Variants in HSPA12A observed in about 807,000 individuals in gnomAD.
The protein encoded by HSPA12A is heat shock 70 kDa protein 12A.
A neutral mutation model predicts 69.2 loss-of-function variants in HSPA12A; 28 were observed. That is an observed-to-expected ratio of 0.40 (90% CI 0.30 to 0.55). The LOEUF (loss-of-function observed/expected upper bound fraction) is 0.55. Ranked by LOEUF, HSPA12A falls within the 20% of genes least tolerant of loss-of-function variation. The pLI, the probability that HSPA12A is intolerant of heterozygous loss-of-function variation, is 0.38. For synonymous variants in HSPA12A, 345 were observed against 370.5 expected (o/e 0.93, Z 0.79); for missense variants, 686 against 900.7 (o/e 0.76, Z 3.05).
At chr10:116,692,613 G>T in intron 5 of HSPA12A, 146 bp from the exon 6 acceptor site, 1 of 663,520 alleles carries the variant, frequency 1.5e-6, no homozygotes, top group Non-Finnish European at 2.7e-6. Flanking sequence ...GCATCAGAGA[G>T]CAAAGATCTG....
Position 116,787,165 on chromosome 10 carries a change from G to A in HSPA12A, c.91+47770C>T, listed in dbSNP as rs528252140. Among the ~76,000 whole-genome samples, 7 of 152,042 alleles carry A rather than the reference G, an allele frequency of 4.6e-5. No individual in the cohort carries two copies. In the South Asian group the frequency reaches 6.3e-4, roughly 14 times the overall value. ...TGTCAGATCAACCAAGGGCAAAAAC[G>A]TCCATGGGATCTCATGCATTCTGGG... On this transcript the variant is annotated intron_variant, in intron 2 of 12. Transcript: ENST00000635765.
chr10:116,820,023 C>T (rs1845381905), intron 2 of HSPA12A, among the ~76,000 whole-genome samples: 1 of 152,000 alleles, frequency 6.6e-6, no homozygotes, highest in African/African-American at 2.4e-5. Context: ...GGGGTTTCAC[C>T]ATGTTGCCCA....
At chr10:116,835,691 A>G (rs995593381) in intron 1 of HSPA12A, among the ~76,000 whole-genome samples, 5 of 152,214 alleles carry the variant, frequency 3.3e-5, no homozygotes, top group Non-Finnish European at 5.9e-5. Context: ...CCCCACGAAC[A>G]CTGGTGGGTA....
At chr10:116,698,185 C>G (rs1301104557) in intron 5 of HSPA12A, 1 of 154,390 alleles carries the variant, frequency 6.5e-6, no homozygotes, top group Admixed American at 6.4e-5. Flanking sequence ...TTCATGTATA[C>G]GTGTGTTTGT....
At chr10:116,798,843 A>G (rs75188021) in intron 2 of HSPA12A, among the ~76,000 whole-genome samples, 2,310 of 152,234 alleles carry the variant, frequency 0.015, 62 homozygotes, top group African/African-American at 0.053. Flanking sequence ...TTCTCCAATT[A>G]TTGTCTTGGA....
chr10:116,813,975 A>G (rs1159572117), intron 2 of HSPA12A, among the ~76,000 whole-genome samples: 3 of 152,236 alleles, frequency 2.0e-5, no homozygotes, highest in Admixed American at 2.0e-4. Context: ...AAAGAAAAAA[A>G]GACAATAGGA....
chr10:116,755,611 A>C lies in HSPA12A; in HGVS notation c.92-48326T>G, dbSNP rs1199069447. ...TGGGTGAAAGAGTGAGACTGTCTCA[A>C]AAAAAAAAAAAAAAAAAAAAAGGTG... On this transcript the variant is annotated intron_variant, in intron 2 of 12. Transcript: ENST00000635765. Among the ~76,000 whole-genome samples the C allele has an allele frequency of 9.8e-5, 14 of 143,042 alleles. No individual in the cohort carries two copies. The East Asian group carries it at 2.9e-3, about 29-fold the overall frequency. 93.8% of individuals were successfully genotyped at this position (143,042 alleles called of 152,430 possible).
intron 2 of HSPA12A, among the ~76,000 whole-genome samples, chr10:116,800,782 C>A (rs775040162): frequency 1.3e-5 from 2 of 152,196 alleles, no homozygotes; most frequent in African/African-American, 2.4e-5. Context: ...AACCCCTTCT[C>A]CATTCAAATG....
intron 2 of HSPA12A, among the ~76,000 whole-genome samples, chr10:116,798,135 C>G (rs186478217): frequency 1.4e-5 from 2 of 141,006 alleles, no homozygotes; most frequent in East Asian, 2.1e-4. Flanking sequence ...GATCAGGCCC[C>G]GAACTGGACT....
At chr10:116,787,504 C>T (rs1844604503) in intron 2 of HSPA12A, among the ~76,000 whole-genome samples, 1 of 149,562 alleles carries the variant, frequency 6.7e-6, no homozygotes, top group Non-Finnish European at 1.5e-5. Flanking sequence ...AGGCTTTCAG[C>T]GTCATTGCTA....
At chr10:116,763,394 T>G (rs1482484941) in intron 2 of HSPA12A, among the ~76,000 whole-genome samples, 1 of 152,208 alleles carries the variant, frequency 6.6e-6, no homozygotes, top group Non-Finnish European at 1.5e-5. Context: ...ACAAGAAATG[T>G]AAAGAAAAAT....
intron 1 of HSPA12A, among the ~76,000 whole-genome samples, chr10:116,841,926 T>G (rs570418447): frequency 2.0e-5 from 3 of 152,220 alleles, no homozygotes; most frequent in African/African-American, 7.2e-5. Context: ...ACTTTGCCAA[T>G]AATTAACGTA....
chr10:116,707,612 G>A (rs1348313326), intron 1 of HSPA12A, among the ~76,000 whole-genome samples: 1 of 152,224 alleles, frequency 6.6e-6, no homozygotes, highest in African/African-American at 2.4e-5. Context: ...TGTCTGTGGA[G>A]CCAGAGGCCA....
intron 2 of HSPA12A, among the ~76,000 whole-genome samples, chr10:116,810,452 T>G (rs1589719804): frequency 6.6e-6 from 1 of 152,214 alleles, no homozygotes; most frequent in East Asian, 1.9e-4. Context: ...CCCTGCCCTT[T>G]TCCTTTTGAA....
chr10:116,755,223 G>A (rs550958512), intron 2 of HSPA12A, among the ~76,000 whole-genome samples: 1 of 152,272 alleles, frequency 6.6e-6, no homozygotes, highest in African/African-American at 2.4e-5. Flanking sequence ...AAAGTGCTGG[G>A]ATTACAGGTG....
chr10:116,675,542 T>C lies in HSPA12A; in HGVS notation c.1391-124A>G. 1 of 949,860 alleles carries C rather than the reference T, an allele frequency of 1.1e-6. No individual in the cohort carries two copies. The highest frequency in any genetic ancestry group is 2.6e-5 in the East Asian group (1 of 37,772). The allele number at this position is 949,860 out of a possible 1,614,324, so 58.8% of individuals were successfully genotyped here. On this transcript the variant is annotated intron_variant, in intron 11 of 11. Transcript: ENST00000369209. The surrounding 1 kb of genome is among the most constrained non-coding windows in gnomAD (Gnocchi z 5.2). ...TGGGCCACTGGGAGGGCAGGCTTACTCTGAGCTCCTTGAACAGAATCTTTG... is the reference window on the plus strand; with the variant it reads ...TGGGCCACTGGGAGGGCAGGCTTACCCTGAGCTCCTTGAACAGAATCTTTG...
intron 1 of HSPA12A, among the ~76,000 whole-genome samples, chr10:116,726,054 C>CACACAA (rs781871627): frequency 1.4e-5 from 2 of 144,820 alleles, no homozygotes; most frequent in South Asian, 4.2e-4. Context: ...CACACACACA[C>CACACAA]AACAGGCCAA....
rs144973108 is a variant in HSPA12A, at chr10:116,805,701, C to T, written c.91+29234G>A. Among the ~76,000 whole-genome samples the T allele has an allele frequency of 2.6e-4, 40 of 152,214 alleles. 1 individual carries two copies. The highest frequency in any genetic ancestry group is 9.6e-4 in the African/African-American group (40 of 41,554). ...GCATTCCTGCTGACTGTAAACGGCC[C>T]CATTTATGTGACTGTTTACATAATT... On this transcript the variant is annotated intron_variant, in intron 2 of 12. Coordinates refer to the HSPA12A transcript ENST00000635765.
At chr10:116,732,843 C>T (rs1220251710) in intron 1 of HSPA12A, among the ~76,000 whole-genome samples, 5 of 152,102 alleles carry the variant, frequency 3.3e-5, no homozygotes, top group African/African-American at 9.7e-5. Flanking sequence ...GTAGCCATTG[C>T]GGAGTTCAGC....
Sources: allele counts gnomAD v4.1 joint callset (sites outside exome capture counted in the v4.1 genomes callset), GRCh38; gene constraint gnomAD v4.1.1; non-coding constraint Gnocchi (gnomAD v3.1); transcripts MANE v1.5; gene names NCBI Gene and HGNC (gene_info 2026-07-23, HGNC 2026-07-21).